Variants in JPH3 observed in about 807,000 individuals in gnomAD.
JPH3 encodes the protein junctophilin 3, also known as junctophilin-3.
In JPH3, 11 loss-of-function variants were observed where a neutral mutation model predicts 59.6. The observed-to-expected ratio is 0.18, with a 90% confidence interval of 0.12 to 0.31. The LOEUF is 0.31. Ranked by LOEUF, JPH3 falls within the 10% of genes least tolerant of loss-of-function variation. The pLI, the probability that JPH3 is intolerant of heterozygous loss-of-function variation, is 1.00. For missense variants in JPH3, 1,202 were observed against 1,105.7 expected, an observed-to-expected ratio of 1.09 and a Z score of -1.24; for synonymous variants, 673 against 483.6, an observed-to-expected ratio of 1.39 and a Z score of -5.14.
rs543495030 is a variant in JPH3, at chr16:87,659,018, G to A, written c.1160+13983G>A. Among the ~76,000 whole-genome samples, 240 of 152,324 alleles carry A rather than the reference G, an allele frequency of 1.6e-3. 2 individuals are homozygous for A. The highest frequency in any genetic ancestry group is 3.1e-3 in the South Asian group (15 of 4,824). ...AGACCTGGGCGGTCACTTAGTCTGG[G>A]ACAGCTGCGGCGGCCACAGCGAAAG... is the stretch of plus-strand genomic sequence containing the variant. On this transcript the variant is annotated intron_variant, in intron 2 of 4. Transcript: ENST00000284262.
In JPH3 at chr16:87,684,122, C is replaced by T. The variant is rs371192651; in HGVS notation, c.1161-20C>T. 1.2e-4 allele frequency: 195 copies of T among 1,609,878 alleles called. 1 individual carries two copies. In the African/African-American group the frequency reaches 2.1e-3, roughly 17 times the overall value. ...CCTGTGCCCCCTGCCCCCCCTCACG[C>T]TCCTCCCTGTCTCCCCCAGGACCTC... On this transcript the variant is annotated intron_variant, in intron 2 of 4. Coordinates refer to ENST00000284262, the MANE Select transcript of JPH3 (RefSeq NM_020655.4).
intron 2 of JPH3, among the ~76,000 whole-genome samples, chr16:87,649,165 G>A (rs2032249774): frequency 6.6e-6 from 1 of 152,210 alleles, no homozygotes; most frequent in African/African-American, 2.4e-5. Flanking sequence ...CGGAGCTGAG[G>A]TCATGTGAGA....
At chr16:87,640,066 G>C (rs143803965) in intron 1 of JPH3, among the ~76,000 whole-genome samples, 2 of 152,130 alleles carry the variant, frequency 1.3e-5, no homozygotes, top group Non-Finnish European at 2.9e-5. Context: ...CTGAGGGGGG[G>C]CCCAATTTAA....
At chr16:87,667,308 G>A (rs558219795) in intron 2 of JPH3, among the ~76,000 whole-genome samples, 3 of 152,346 alleles carry the variant, frequency 2.0e-5, no homozygotes, top group Middle Eastern at 3.4e-3. Context: ...TTTTCCCGAC[G>A]TGAATGGAAT....
At chr16:87,634,666 G>C (rs148097270) in intron 1 of JPH3, among the ~76,000 whole-genome samples, 1 of 152,218 alleles carries the variant, frequency 6.6e-6, no homozygotes, top group East Asian at 1.9e-4. Context: ...GCTCTGGCCC[G>C]TGCCCACCCA....
intron 2 of JPH3, among the ~76,000 whole-genome samples, chr16:87,667,419 C>T (rs1036524480): frequency 1.3e-5 from 2 of 152,228 alleles, no homozygotes; most frequent in Non-Finnish European, 2.9e-5. Context: ...TGCTCTGATC[C>T]GAACAATCGT....
At position 87,690,394 on chromosome 16, in the gene JPH3, G is replaced by A; in HGVS notation, c.2034G>A (p.Leu678=). The part of the protein sequence containing the change: ...ASSAEPAVQK[L]ASLRLGGAEP... ...CCGCGGAGCCCGCCGTGCAGAAACT[G>A]GCGAGCCTGCGGCTGGGCGGGGCCG... The change falls in exon 4 of 5, where the codon CTG becomes CTA. Residue 678 remains leucine, a synonymous_variant. Coordinates refer to ENST00000284262, the MANE Select transcript of JPH3 (RefSeq NM_020655.4). The A allele has an allele frequency of 6.6e-7, 1 of 1,518,748 alleles. No individual in the cohort carries two copies. The highest frequency in any genetic ancestry group is 8.8e-7 in the Non-Finnish European group (1 of 1,135,752). 94.1% of individuals were successfully genotyped at this position (1,518,748 alleles called of 1,614,324 possible).
intron 2 of JPH3, among the ~76,000 whole-genome samples, chr16:87,670,535 C>A (rs946820714): frequency 6.6e-6 from 1 of 152,242 alleles, no homozygotes; most frequent in African/African-American, 2.4e-5. Flanking sequence ...GGCCCAGCCT[C>A]CTGTTGGTTA....
chr16:87,637,813 G>T (rs864839), intron 1 of JPH3, among the ~76,000 whole-genome samples: 98,683 of 152,028 alleles, frequency 0.65, 32,309 homozygotes, highest in Non-Finnish European at 0.7. Context: ...CTCCTGGGTG[G>T]TGTTCCCATG....
At chr16:87,641,525 C>A (rs1297877111) in intron 1 of JPH3, among the ~76,000 whole-genome samples, 1 of 152,214 alleles carries the variant, frequency 6.6e-6, no homozygotes, top group African/African-American at 2.4e-5. Context: ...CTGAGACCAC[C>A]TCATTCGGCC....
chr16:87,655,167 G>C (rs568679364), intron 2 of JPH3, among the ~76,000 whole-genome samples: 1 of 152,168 alleles, frequency 6.6e-6, no homozygotes, highest in African/African-American at 2.4e-5. Flanking sequence ...TGGGAGAGCC[G>C]AGTCTGCCGC....
chr16:87,661,599 G>A (rs1327543989), intron 2 of JPH3, among the ~76,000 whole-genome samples: 1 of 152,230 alleles, frequency 6.6e-6, no homozygotes, highest in African/African-American at 2.4e-5. Context: ...GGTCTGACTG[G>A]GGGAGAGCCG....
At chr16:87,624,377 T>C (rs1399464774) in intron 1 of JPH3, among the ~76,000 whole-genome samples, 4 of 152,222 alleles carry the variant, frequency 2.6e-5, no homozygotes, top group African/African-American at 9.7e-5. Context: ...GTGGGTTTGC[T>C]GCTCCTGACG....
intron 2 of JPH3, among the ~76,000 whole-genome samples, chr16:87,672,810 C>G (rs1192912179): frequency 1.3e-5 from 2 of 152,170 alleles, no homozygotes; most frequent in South Asian, 2.1e-4. Flanking sequence ...AAAGGTAAAG[C>G]TGGATCCCTA....
chr16:87,655,918 C>A (rs1410367532), intron 2 of JPH3, among the ~76,000 whole-genome samples: 1 of 152,244 alleles, frequency 6.6e-6, no homozygotes, highest in Non-Finnish European at 1.5e-5. Flanking sequence ...CTGCTGCTGT[C>A]ACTGCGCCGT....
chr16:87,630,704 A>G (rs2031538723), intron 1 of JPH3, among the ~76,000 whole-genome samples: 1 of 152,206 alleles, frequency 6.6e-6, no homozygotes, highest in African/African-American at 2.4e-5. Flanking sequence ...GCTTGGAGCA[A>G]AAATCATGTG....
At chr16:87,656,858 A>T (rs747949206) in intron 2 of JPH3, among the ~76,000 whole-genome samples, 5 of 152,130 alleles carry the variant, frequency 3.3e-5, no homozygotes, top group Non-Finnish European at 5.9e-5. Context: ...GTCCAAATGC[A>T]TGGTGCCTGT....
chr16:87,658,448 C>T (rs1385237816), intron 2 of JPH3, among the ~76,000 whole-genome samples: 1 of 151,296 alleles, frequency 6.6e-6, no homozygotes, highest in African/African-American at 2.4e-5. Flanking sequence ...ATCTGCTTTG[C>T]TCTCTGTCTC....
chr16:87,609,330 G>GCA (rs1469010109), intron 1 of JPH3, among the ~76,000 whole-genome samples: 1 of 152,200 alleles, frequency 6.6e-6, no homozygotes, highest in East Asian at 1.9e-4. Context: ...GCAGTGGAGT[G>GCA]ATCTTGGCTC....
Sources: gnomAD v4.1 joint callset for allele counts (sites outside exome capture counted in the v4.1 genomes callset) on GRCh38, gnomAD v4.1.1 for gene constraint, MANE v1.5 for transcripts, NCBI Gene and HGNC (gene_info 2026-07-23, HGNC 2026-07-21) for gene names.